SNX13: variants seen among roughly 807,000 people sequenced by gnomAD.
The protein encoded by SNX13 is sorting nexin-13.
In SNX13, 45 loss-of-function variants were observed where a neutral mutation model predicts 133.6. The observed-to-expected ratio is 0.34, with a 90% CI of 0.27 to 0.43. The LOEUF is 0.43. Among genes scored for constraint, SNX13 ranks in the 20% least tolerant of loss-of-function variants. The pLI is 1.00. For synonymous variants in SNX13, 414 were observed against 373.9 expected, an observed-to-expected ratio of 1.11 and a Z score of -1.24; for missense variants, 1,032 against 1,145.1, an observed-to-expected ratio of 0.90 and a Z score of 1.43.
rs112160022 is a variant in SNX13, at chr7:17,888,857, G to C, written c.440+1506C>G. 1.1e-4 allele frequency: 44 copies of C among 385,020 alleles called. 2 individuals carry two copies. The highest frequency in any genetic ancestry group is 7.7e-4 in the African/African-American group (36 of 47,028). 23.9% of individuals were successfully genotyped at this position (385,020 alleles called of 1,614,324 possible). A position where few individuals can be genotyped will look rare whatever the true frequency, so the allele number is the denominator to read the frequency against. Reference sequence around the variant, plus strand: ...TACATATGAGAAAAACCAAGGTTCAGAGTTTAAAGACACTTGCTCACAGTC... The same window carrying C: ...TACATATGAGAAAAACCAAGGTTCACAGTTTAAAGACACTTGCTCACAGTC... On this transcript the variant is annotated intron_variant, in intron 5 of 25. Transcript: ENST00000428135.
intron 17 of SNX13, among the ~76,000 whole-genome samples, chr7:17,824,219 C>T (rs1004681786): frequency 6.6e-6 from 1 of 151,980 alleles, no homozygotes; most frequent in African/African-American, 2.4e-5. Context: ...AACTCCATTA[C>T]TAATCATATT....
intron 9 of SNX13, 77 bp from the exon 10 acceptor site, chr7:17,851,041 T>A: frequency 6.9e-7 from 1 of 1,445,804 alleles, no homozygotes; most frequent in Non-Finnish European, 9.4e-7. Flanking sequence ...GAGTGCCTAC[T>A]ATGTGCTAGG....
At chr7:17,885,717 A>C (rs73310108) in intron 5 of SNX13, among the ~76,000 whole-genome samples, 5,842 of 152,194 alleles carry the variant, frequency 0.038, 370 homozygotes, top group African/African-American at 0.13. Context: ...AATCCCAGCT[A>C]CTCAGGAATC....
At chr7:17,935,187 A>T (rs1295016916) in intron 1 of SNX13, among the ~76,000 whole-genome samples, 3 of 152,240 alleles carry the variant, frequency 2.0e-5, no homozygotes, top group Admixed American at 6.5e-5. Context: ...AATTGGGCTT[A>T]AAAGAGAAGG....
chr7:17,840,103 A>G (rs1789696098), intron 12 of SNX13, 103 bp from the exon 13 acceptor site: 1 of 861,476 alleles, frequency 1.2e-6, no homozygotes, highest in African/African-American at 1.8e-5. Context: ...TCAAGTGTTT[A>G]AAACTCCACA....
chr7:17,885,604 G>A (rs561973916), intron 5 of SNX13, among the ~76,000 whole-genome samples: 22 of 152,180 alleles, frequency 1.4e-4, no homozygotes, highest in Non-Finnish European at 2.8e-4. Context: ...GAGGCCAGTG[G>A]ATTGCCTGAG....
intron 1 of SNX13, among the ~76,000 whole-genome samples, chr7:17,902,974 T>C (rs2691557): frequency 0.63 from 96,357 of 151,996 alleles, 32,743 homozygotes; most frequent in African/African-American, 0.89. Context: ...AGTTTCATCT[T>C]GAAACCATCC....
At chr7:17,898,677 G>A (rs906922002) in intron 1 of SNX13, 1 of 152,142 alleles carries the variant, frequency 6.6e-6, no homozygotes, top group Non-Finnish European at 1.5e-5. Context: ...AAGTGCTATG[G>A]AGAAAAATAA....
chr7:17,878,458 T>C (rs1794975939), intron 5 of SNX13, among the ~76,000 whole-genome samples: 2 of 152,170 alleles, frequency 1.3e-5, no homozygotes, highest in South Asian at 4.1e-4. Flanking sequence ...GAAGGTTAAC[T>C]AGGAATGCAA....
At chr7:17,895,727 T>C (rs1265951692) in intron 2 of SNX13, among the ~76,000 whole-genome samples, 1 of 152,164 alleles carries the variant, frequency 6.6e-6, no homozygotes, top group Non-Finnish European at 1.5e-5. Flanking sequence ...GAATAAACTT[T>C]GTGCAGGATC....
rs147139625 is a variant in SNX13 at position 17,854,185 on chromosome 7, T to A, written c.838-3221A>T. Among the ~76,000 whole-genome samples the A allele has an allele frequency of 2.6e-4, 40 of 152,304 alleles. No individual in the cohort carries two copies. In the East Asian group the frequency reaches 7.3e-3, roughly 28 times the overall value. ...TTGCATAGCACTGTGGAGTAAATTATGCATGCAGATGTAAAATATATAATG... is the reference window on the plus strand; with the variant it reads ...TTGCATAGCACTGTGGAGTAAATTAAGCATGCAGATGTAAAATATATAATG... On this transcript the variant is annotated intron_variant, in intron 9 of 25. Coordinates refer to ENST00000428135, the MANE Select transcript of SNX13 (RefSeq NM_015132.5).
intron 1 of SNX13, among the ~76,000 whole-genome samples, chr7:17,915,823 G>T (rs942025110): frequency 1.9e-4 from 29 of 152,134 alleles, no homozygotes; most frequent in Admixed American, 1.9e-3. Context: ...ACATCTACAG[G>T]ACACTTAACC....
chr7:17,880,262 T>G (rs1162409507), intron 5 of SNX13: 1 of 152,212 alleles, frequency 6.6e-6, no homozygotes, highest in Non-Finnish European at 1.5e-5. Context: ...GACTTTCAAA[T>G]TTCATAGCTG....
Position 17,806,409 on chromosome 7 carries a change from T to C in SNX13, c.2065-2829A>G, listed in dbSNP as rs969040109. Among the ~76,000 whole-genome samples, 30 of 152,216 alleles carry C rather than the reference T, an allele frequency of 2.0e-4. 1 individual carries two copies. The highest frequency in any genetic ancestry group is 1.9e-3 in the Admixed American group (29 of 15,292). Reference sequence around the variant, plus strand: ...AATGTTTGCAGATGATCTACTTTAATAGCTATTTAATTTCCAGTGAAATAT... The same window carrying C: ...AATGTTTGCAGATGATCTACTTTAACAGCTATTTAATTTCCAGTGAAATAT... On this transcript the variant is annotated intron_variant, in intron 20 of 25. Transcript: ENST00000428135.
intron 13 of SNX13, among the ~76,000 whole-genome samples, chr7:17,837,020 G>A (rs1334136366): frequency 6.6e-6 from 1 of 151,880 alleles, no homozygotes; most frequent in Non-Finnish European, 1.5e-5. Flanking sequence ...TGTTACCACT[G>A]AATATAATCA....
At chr7:17,805,254 T>TGCGTGCGC (rs1554304326) in intron 20 of SNX13, among the ~76,000 whole-genome samples, 10 of 132,526 alleles carry the variant, frequency 7.5e-5, no homozygotes, top group East Asian at 4.3e-4. Flanking sequence ...TGTGTGTGCG[T>TGCGTGCGC]GCGCGCGCGC....
In SNX13 at chr7:17,839,113, T is replaced by C. The variant is rs560526153; in HGVS notation, c.1359+694A>G. On this transcript the variant is annotated intron_variant, in intron 13 of 25. Transcript: ENST00000428135. ...AAAGCAATTCTATTCTATATATGTA[T>C]TCTATACATTCTATAATAAAATAAT... 3.3e-5 allele frequency among the ~76,000 whole-genome samples: 5 copies of C among 149,704 alleles called. No homozygotes were observed. In the South Asian group the frequency reaches 1.0e-3, roughly 31 times the overall value.
chr7:17,804,135 A>G (rs1284418325), intron 20 of SNX13, among the ~76,000 whole-genome samples: 1 of 152,142 alleles, frequency 6.6e-6, no homozygotes, highest in Non-Finnish European at 1.5e-5. Flanking sequence ...TTCTTAGAAA[A>G]TCAATATAAG....
In SNX13 at chr7:17,812,328, G is replaced by A. The variant is rs531549499; in HGVS notation, c.2064+2506C>T. On this transcript the variant is annotated intron_variant, in intron 20 of 25. Transcript: ENST00000428135. ...AGAAAAAAAACAACCCCATCAGAAA[G>A]TGGGCGAACGATACGAACAGACACT... Among the ~76,000 whole-genome samples the A allele has an allele frequency of 2.6e-5, 4 of 152,226 alleles. No homozygotes were observed. The South Asian group carries it at 8.3e-4, about 32-fold the overall frequency.
Sources: gnomAD v4.1 joint callset for allele counts (sites outside exome capture counted in the v4.1 genomes callset) on GRCh38, gnomAD v4.1.1 for gene constraint, MANE v1.5 for transcripts, NCBI Gene and HGNC (gene_info 2026-07-23, HGNC 2026-07-21) for gene names.